TYW1B: variants seen among roughly 807,000 people sequenced by gnomAD.
TYW1B encodes S-adenosyl-L-methionine-dependent tRNA 4-demethylwyosine synthase TYW1B.
In TYW1B, 73 loss-of-function variants were observed where a neutral mutation model predicts 86.9. That is an observed-to-expected ratio of 0.84 (90% confidence interval 0.70 to 1.02). The LOEUF is 1.02. TYW1B is among the 50% of genes least tolerant of loss of function. The probability of loss-of-function intolerance (pLI) is 0.00; values close to 1 mark genes in which losing one functional copy is unlikely to be tolerated. For synonymous variants in TYW1B, 248 were observed against 292.8 expected, an observed-to-expected ratio of 0.85 and a Z score of 1.56; for missense variants, 637 against 827.4, an observed-to-expected ratio of 0.77 and a Z score of 2.82.
At chr7:72,607,442 A>C (rs1811829035) in intron 13 of TYW1B, among the ~76,000 whole-genome samples, 1 of 150,450 alleles carries the variant, frequency 6.6e-6, no homozygotes, top group African/African-American at 2.4e-5. Flanking sequence ...GAGGAGGAAG[A>C]AGAACAAGAA....
rs555516388 is a variant in TYW1B at position 72,737,843 on chromosome 7, C to T, written c.1082+6641G>A. On this transcript the variant is annotated intron_variant, in intron 8 of 13. Coordinates refer to ENST00000620995, the MANE Select transcript of TYW1B (RefSeq NM_001145440.3). ...AGGTTGGAGTGCAGTGGCGTGATCTCGGCTCACTGCAAGCTCCACCTCCTG... is the reference window on the plus strand; with the variant it reads ...AGGTTGGAGTGCAGTGGCGTGATCTTGGCTCACTGCAAGCTCCACCTCCTG... 1.7e-3 allele frequency among the ~76,000 whole-genome samples: 252 copies of T among 145,934 alleles called. 2 individuals are homozygous for T. The highest frequency in any genetic ancestry group is 3.9e-3 in the African/African-American group (155 of 39,378).
intron 13 of TYW1B, among the ~76,000 whole-genome samples, chr7:72,594,711 T>C (rs1425565566): frequency 2.0e-5 from 3 of 152,162 alleles, no homozygotes; most frequent in Non-Finnish European, 4.4e-5. Flanking sequence ...GGAAGAAAAC[T>C]GTATATGAAT....
intron 6 of TYW1B, among the ~76,000 whole-genome samples, chr7:72,796,525 C>G (rs1329325902): frequency 6.6e-6 from 1 of 151,732 alleles, no homozygotes; most frequent in Non-Finnish European, 1.5e-5. Context: ...CATGAGCCAC[C>G]GCGCCAGGCC....
intron 11 of TYW1B, among the ~76,000 whole-genome samples, chr7:72,651,438 T>G (rs1317573388): frequency 6.6e-6 from 1 of 151,738 alleles, no homozygotes; most frequent in African/African-American, 2.4e-5. Context: ...GCCAACATGG[T>G]GAAACCCCAT....
intron 13 of TYW1B, among the ~76,000 whole-genome samples, chr7:72,595,860 G>A (rs1212281293): frequency 6.6e-6 from 1 of 152,030 alleles, no homozygotes; most frequent in Non-Finnish European, 1.5e-5. Context: ...CCATGTTCAT[G>A]GATTGAAAGA....
chr7:72,701,924 C>T (rs1251344514), intron 10 of TYW1B, among the ~76,000 whole-genome samples: 2 of 152,160 alleles, frequency 1.3e-5, no homozygotes, highest in Admixed American at 6.6e-5. Context: ...CCTTGGTTTT[C>T]GCTGCCTGCT....
At chr7:72,635,057 A>G (rs1197204146) in intron 11 of TYW1B, among the ~76,000 whole-genome samples, 2 of 152,098 alleles carry the variant, frequency 1.3e-5, no homozygotes, top group Admixed American at 6.5e-5. Flanking sequence ...GGATCATTCC[A>G]TGCTATCAAG....
intron 11 of TYW1B, among the ~76,000 whole-genome samples, chr7:72,663,343 T>A (rs1169225848): frequency 6.6e-6 from 1 of 152,124 alleles, no homozygotes; most frequent in Non-Finnish European, 1.5e-5. Flanking sequence ...AAAAACAAAT[T>A]GAAAGCAATG....
chr7:72,751,455 T>A (rs758238103), intron 7 of TYW1B, among the ~76,000 whole-genome samples: 26 of 152,226 alleles, frequency 1.7e-4, no homozygotes, highest in Admixed American at 3.3e-4. Context: ...ATCAGAGATA[T>A]CTTTATTTCT....
intron 10 of TYW1B, among the ~76,000 whole-genome samples, chr7:72,707,850 G>A (rs868957846): frequency 1.3e-5 from 2 of 152,164 alleles, no homozygotes; most frequent in Admixed American, 6.6e-5. Context: ...GAGATGGCTG[G>A]GTGATGGGGA....
In TYW1B at chr7:72,755,290, G is replaced by A. The variant is rs556109836; in HGVS notation, c.965-10689C>T. On this transcript the variant is annotated intron_variant, in intron 7 of 13. Coordinates refer to ENST00000620995, the MANE Select transcript of TYW1B (RefSeq NM_001145440.3). ...AAAAATTAGCCAAACATCGTGGTGCGCACCTATAGTCCCAGCTACTCAGGA... is the reference window on the plus strand; with the variant it reads ...AAAAATTAGCCAAACATCGTGGTGCACACCTATAGTCCCAGCTACTCAGGA... 3.3e-5 allele frequency among the ~76,000 whole-genome samples: 5 copies of A among 152,144 alleles called. 1 individual carries two copies. In the South Asian group the frequency reaches 6.2e-4, roughly 19 times the overall value.
At chr7:72,706,323 A>T in intron 10 of TYW1B, among the ~76,000 whole-genome samples, 1 of 145,612 alleles carries the variant, frequency 6.9e-6, no homozygotes, top group African/African-American at 2.5e-5. Flanking sequence ...GCTACCTGGG[A>T]GGCTGAGGCA....
chr7:72,692,413 C>CTGAG (rs782279459), intron 11 of TYW1B, among the ~76,000 whole-genome samples: 3 of 151,710 alleles, frequency 2.0e-5, no homozygotes, highest in Non-Finnish European at 4.4e-5. Context: ...ACTTGGGAGG[C>CTGAG]TGAGGCAGGA....
chr7:72,796,913 C>T (rs1554474536), intron 6 of TYW1B, among the ~76,000 whole-genome samples: 1 of 147,750 alleles, frequency 6.8e-6, no homozygotes, highest in Non-Finnish European at 1.5e-5. Context: ...AAGCGATTCT[C>T]CCGCCTCAGC....
intron 8 of TYW1B, among the ~76,000 whole-genome samples, chr7:72,743,846 A>C (rs1446651142): frequency 6.8e-6 from 1 of 146,738 alleles, no homozygotes; most frequent in African/African-American, 2.5e-5. Flanking sequence ...CTCCATCTCA[A>C]AAAAAAAAAA....
At chr7:72,779,339 G>C (rs1356702124) in intron 6 of TYW1B, among the ~76,000 whole-genome samples, 2 of 152,288 alleles carry the variant, frequency 1.3e-5, no homozygotes, top group African/African-American at 4.8e-5. Context: ...GATGAGGCCA[G>C]GCAATAGGTA....
chr7:72,637,082 C>A (rs1812687036), intron 11 of TYW1B, among the ~76,000 whole-genome samples: 1 of 152,028 alleles, frequency 6.6e-6, no homozygotes, highest in African/African-American at 2.4e-5. Flanking sequence ...TGAGATCACG[C>A]CATCGCACTC....
At chr7:72,700,288 C>A (rs1309617849) in intron 10 of TYW1B, among the ~76,000 whole-genome samples, 2 of 150,924 alleles carry the variant, frequency 1.3e-5, no homozygotes, top group African/African-American at 4.9e-5. Context: ...GATTCTCCTG[C>A]CTCAGCCTCC....
At chr7:72,756,979 A>G (rs868910817) in intron 7 of TYW1B, among the ~76,000 whole-genome samples, 1 of 152,186 alleles carries the variant, frequency 6.6e-6, no homozygotes, top group Non-Finnish European at 1.5e-5. Context: ...AAAATGAACA[A>G]TAACAAATGC....
Sources: allele counts gnomAD v4.1 joint callset (sites outside exome capture counted in the v4.1 genomes callset), GRCh38; gene constraint gnomAD v4.1.1; transcripts MANE v1.5; gene names NCBI Gene and HGNC (gene_info 2026-07-23, HGNC 2026-07-21).